The following RPA3 variants were observed in gnomAD, a reference collection of about 807,000 sequenced individuals.
The protein encoded by RPA3 is replication protein A3.
In RPA3, 24 loss-of-function variants were observed where a neutral mutation model predicts 13.7. The observed-to-expected ratio is 1.75, with a 90% CI of 1.27 to 2.46. The LOEUF (loss-of-function observed/expected upper bound fraction) is 2.46. Among genes scored for constraint, RPA3 ranks in the 30% most tolerant of loss-of-function variants. The pLI, the probability that RPA3 is intolerant of heterozygous loss-of-function variation, is 0.00. For missense variants in RPA3, 183 were observed against 151.0 expected (o/e 1.21, Z -1.11); for synonymous variants, 59 against 51.2 (o/e 1.15, Z -0.65).
intron 4 of RPA3, among the ~76,000 whole-genome samples, chr7:7,654,081 C>A (rs577110369): frequency 6.6e-6 from 1 of 152,122 alleles, no homozygotes; most frequent in Non-Finnish European, 1.5e-5. Flanking sequence ...GCAGTCATTT[C>A]TTATCACTGC....
intron 4 of RPA3, among the ~76,000 whole-genome samples, chr7:7,652,502 G>A (rs552049903): frequency 2.0e-4 from 31 of 152,338 alleles, no homozygotes; most frequent in African/African-American, 6.7e-4. Flanking sequence ...TAGAATGTGA[G>A]TAACATTTTG....
intron 2 of RPA3, among the ~76,000 whole-genome samples, chr7:7,709,376 A>G (rs987570248): frequency 1.3e-5 from 2 of 152,216 alleles, no homozygotes; most frequent in Non-Finnish European, 2.9e-5. Flanking sequence ...TCCTCACACC[A>G]TCTCTTAAGA....
chr7:7,681,879 T>C (rs1460274437), intron 4 of RPA3, among the ~76,000 whole-genome samples: 1 of 152,156 alleles, frequency 6.6e-6, no homozygotes, highest in Non-Finnish European at 1.5e-5. Flanking sequence ...GCGTAAATGT[T>C]AGGATATAAT....
chr7:7,710,113 C>G (rs1364577059), intron 2 of RPA3, among the ~76,000 whole-genome samples: 1 of 152,126 alleles, frequency 6.6e-6, no homozygotes, highest in Non-Finnish European at 1.5e-5. Context: ...CTATATTGCT[C>G]TATGTATCTT....
At chr7:7,706,259 G>T (rs1341313756) in intron 2 of RPA3, among the ~76,000 whole-genome samples, 2 of 152,132 alleles carry the variant, frequency 1.3e-5, no homozygotes, top group Non-Finnish European at 2.9e-5. Flanking sequence ...TCATCAAAAA[G>T]AGTCTAAAAA....
At position 7,636,898 on chromosome 7, in the gene RPA3, T is replaced by A; in HGVS notation, c.*102A>T. On this transcript the variant is annotated 3_prime_UTR_variant, in exon 8 of 8. Transcript: ENST00000223129. Reference sequence around the variant, plus strand: ...GTTGGAATATCTTAAAAACAGCAAATTAAATATGAGAAAGCACAGAAATCT... The same window carrying A: ...GTTGGAATATCTTAAAAACAGCAAAATAAATATGAGAAAGCACAGAAATCT... 1 of 877,734 alleles carries A rather than the reference T, an allele frequency of 1.1e-6. No homozygotes were observed. Among genetic ancestry groups the A allele is most frequent in the Non-Finnish European group, 1.9e-6 (1 of 540,064 alleles). 54.4% of individuals were successfully genotyped at this position (877,734 alleles called of 1,614,324 possible).
At chr7:7,686,138 G>A (rs999670369) in intron 3 of RPA3, 140 bp from the exon 4 acceptor site, 1 of 152,126 alleles carries the variant, frequency 6.6e-6, no homozygotes, top group African/African-American at 2.4e-5. Context: ...AGAATTGCTG[G>A]AATAATTATT....
At chr7:7,644,771 G>A (rs1316566237) in intron 4 of RPA3, among the ~76,000 whole-genome samples, 2 of 151,934 alleles carry the variant, frequency 1.3e-5, no homozygotes, top group African/African-American at 4.8e-5. Flanking sequence ...TTGATGTCTG[G>A]GGCTGTGTTC....
intron 4 of RPA3, among the ~76,000 whole-genome samples, chr7:7,684,456 C>G (rs776542700): frequency 1.3e-5 from 2 of 152,046 alleles, no homozygotes; most frequent in African/African-American, 4.8e-5. Context: ...TGATCCACCC[C>G]TTTCGGCCTC....
At chr7:7,639,875 C>T (rs1417507663) in intron 5 of RPA3, 1 of 194,428 alleles carries the variant, frequency 5.1e-6, no homozygotes, top group East Asian at 1.8e-4. Flanking sequence ...TACTACGGGA[C>T]CCAAAGCGGA....
At chr7:7,695,538 A>T (rs1780291399) in intron 2 of RPA3, among the ~76,000 whole-genome samples, 1 of 152,198 alleles carries the variant, frequency 6.6e-6, no homozygotes, top group African/African-American at 2.4e-5. Flanking sequence ...CTAAATGTTT[A>T]GTCTCAGAGC....
At position 7,640,610 on chromosome 7, in the gene RPA3, A is replaced by G. The variant is rs1784944994; in HGVS notation, c.-192T>C. 1.7e-6 allele frequency: 1 copy of G among 589,334 alleles called. No homozygotes were observed. Among genetic ancestry groups the G allele is most frequent in the Admixed American group, 3.0e-5 (1 of 33,092 alleles). The allele number at this position is 589,334 out of a possible 1,614,324, so 36.5% of individuals were successfully genotyped here. On this transcript the variant is annotated 5_prime_UTR_variant, in exon 5 of 8. Transcript: ENST00000223129. ...AAAGGGGTGGAGAAGGGGCTGGATG[A>G]GTCCGGAAGTGGAGATTGGCTGCTT...
chr7:7,656,142 G>T (rs996498085), intron 4 of RPA3, among the ~76,000 whole-genome samples: 1 of 151,984 alleles, frequency 6.6e-6, no homozygotes, highest in Non-Finnish European at 1.5e-5. Context: ...GCCAGGACAG[G>T]CTCTCTTAAA....
At position 7,715,609 on chromosome 7, in the gene RPA3, A is replaced by G. The variant is rs907785319; in HGVS notation, c.-1079-383T>C. Among the ~76,000 whole-genome samples, 3 of 152,226 alleles carry G rather than the reference A, an allele frequency of 2.0e-5. No individual in the cohort carries two copies. The South Asian group carries it at 6.2e-4, about 31-fold the overall frequency. Reference sequence around the variant, plus strand: ...GAGCTCTGTTTTCATTCAAATGAGGATAAAGTTTTTCAATAGCAATTATTT... The same window carrying G: ...GAGCTCTGTTTTCATTCAAATGAGGGTAAAGTTTTTCAATAGCAATTATTT... On this transcript the variant is annotated intron_variant, in intron 1 of 7. Coordinates refer to ENST00000223129, the MANE Select transcript of RPA3 (RefSeq NM_002947.5).
intron 4 of RPA3, among the ~76,000 whole-genome samples, chr7:7,668,524 T>C (rs1178810631): frequency 1.3e-5 from 2 of 152,200 alleles, no homozygotes; most frequent in African/African-American, 2.4e-5. Flanking sequence ...AACTTTATCA[T>C]AGATGTGTAC....
chr7:7,711,302 ATCCTTGTACATGTC>A (rs1780756340), intron 2 of RPA3, among the ~76,000 whole-genome samples: 1 of 152,212 alleles, frequency 6.6e-6, no homozygotes, highest in Admixed American at 6.5e-5. Flanking sequence ...TGTTACAAAC[ATCCTTGTACATGTC>A]TCCTGGTGCA....
intron 6 of RPA3, 64 bp downstream of exon 6, chr7:7,639,006 C>G (rs1408471134): frequency 7.7e-7 from 1 of 1,301,130 alleles, no homozygotes; most frequent in Non-Finnish European, 1.0e-6. Context: ...ACATCGGCAA[C>G]AAACCAAATC....
At chr7:7,673,969 T>C (rs1345940644) in intron 4 of RPA3, among the ~76,000 whole-genome samples, 3 of 152,230 alleles carry the variant, frequency 2.0e-5, no homozygotes, top group African/African-American at 7.2e-5. Flanking sequence ...AAATATTTCT[T>C]ACAATCAAAT....
chr7:7,640,081 GGCGACGGGCACTGGAATTTA>G (rs1185315445), intron 5 of RPA3: 1 of 544,814 alleles, frequency 1.8e-6, no homozygotes, highest in East Asian at 3.2e-5. Flanking sequence ...CTAGAACGGA[GGCGACGGGCACTGGAATTTA>G]GAACTCAGCA....
Sources: gnomAD v4.1 joint callset for allele counts (sites outside exome capture counted in the v4.1 genomes callset) on GRCh38, gnomAD v4.1.1 for gene constraint, MANE v1.5 for transcripts, NCBI Gene and HGNC (gene_info 2026-07-23, HGNC 2026-07-21) for gene names.